AOAH: variants seen among roughly 807,000 people sequenced by gnomAD.
AOAH encodes acyloxyacyl hydrolase.
Under a neutral mutation model 92.2 loss-of-function variants are expected in AOAH, and 64 were observed. That is an observed-to-expected ratio of 0.69 (90% confidence interval 0.57 to 0.86). AOAH has a LOEUF of 0.86. Among genes scored for constraint, AOAH ranks in the 40% least tolerant of loss-of-function variants. AOAH has a pLI of 0.00. For synonymous variants in AOAH, 263 were observed against 254.5 expected (o/e 1.03, Z -0.32); for missense variants, 656 against 694.6 (o/e 0.94, Z 0.62).
In AOAH at chr7:36,659,963, G is replaced by A. The variant is rs561440491; in HGVS notation, c.291-698C>T. On this transcript the variant is annotated intron_variant, in intron 3 of 20. Coordinates refer to ENST00000617537, the MANE Select transcript of AOAH (RefSeq NM_001637.4). Reference sequence around the variant, plus strand: ...AGTAAAATTACAATATTTTACTATCGTGACTTGTCCCTGCCCTATCTTAGT... The same window carrying A: ...AGTAAAATTACAATATTTTACTATCATGACTTGTCCCTGCCCTATCTTAGT... Among the ~76,000 whole-genome samples the A allele has an allele frequency of 5.3e-5, 8 of 152,168 alleles. No homozygotes were observed. The South Asian group carries it at 1.2e-3, about 24-fold the overall frequency.
intron 19 of AOAH, among the ~76,000 whole-genome samples, chr7:36,528,041 C>T (rs975665142): frequency 1.3e-5 from 2 of 152,212 alleles, no homozygotes; most frequent in African/African-American, 2.4e-5. Flanking sequence ...GGCACCTAGA[C>T]ATCAAATGCA....
chr7:36,643,572 C>T (rs1006338038), intron 4 of AOAH, among the ~76,000 whole-genome samples: 6 of 152,258 alleles, frequency 3.9e-5, no homozygotes, highest in Middle Eastern at 3.4e-3. Context: ...AAGTATTCTT[C>T]CATTCAATCA....
rs541530124 is a variant in AOAH, at chr7:36,667,825, A to G, written c.290+6118T>C. Among the ~76,000 whole-genome samples, 7 of 152,286 alleles carry G rather than the reference A, an allele frequency of 4.6e-5. No homozygotes were observed. In the East Asian group the frequency reaches 1.3e-3, roughly 29 times the overall value. On this transcript the variant is annotated intron_variant, in intron 3 of 20. Coordinates refer to ENST00000617537, the MANE Select transcript of AOAH (RefSeq NM_001637.4). Reference sequence around the variant, plus strand: ...AACTCTTATCCCTTTATCCCTGATAACTTTCCTCACTTTGAAGTATGTTCT... The same window carrying G: ...AACTCTTATCCCTTTATCCCTGATAGCTTTCCTCACTTTGAAGTATGTTCT...
At chr7:36,679,063 A>G (rs978349333) in intron 2 of AOAH, among the ~76,000 whole-genome samples, 1 of 152,210 alleles carries the variant, frequency 6.6e-6, no homozygotes, top group Non-Finnish European at 1.5e-5. Flanking sequence ...AGGACAAAAT[A>G]AAGTTAAAAT....
At chr7:36,648,830 T>C (rs1794401234) in intron 4 of AOAH, among the ~76,000 whole-genome samples, 1 of 152,166 alleles carries the variant, frequency 6.6e-6, no homozygotes, top group Non-Finnish European at 1.5e-5. Flanking sequence ...TGGGATATAT[T>C]TTGCTCCATT....
intron 11 of AOAH, among the ~76,000 whole-genome samples, chr7:36,606,832 G>T (rs954936415): frequency 1.3e-5 from 2 of 152,180 alleles, no homozygotes; most frequent in African/African-American, 4.8e-5. Flanking sequence ...ATCTTTCTAA[G>T]TTGAGGTCTT....
In AOAH at chr7:36,648,959, A is replaced by C. The variant is rs537655781; in HGVS notation, c.390+10207T>G. Among the ~76,000 whole-genome samples the C allele has an allele frequency of 4.6e-5, 7 of 152,238 alleles. No individual in the cohort carries two copies. In the South Asian group the frequency reaches 1.4e-3, roughly 32 times the overall value. ...TCAATTATACAACGTTACAACCAAC[A>C]ATTTGAATTTTGATTTTTTCTCTGT... On this transcript the variant is annotated intron_variant, in intron 4 of 20. Transcript: ENST00000617537.
intron 1 of AOAH, among the ~76,000 whole-genome samples, chr7:36,693,012 AAGAAAT>A (rs1286375810): frequency 4.6e-5 from 7 of 152,302 alleles, no homozygotes; most frequent in Admixed American, 4.6e-4. Context: ...AATTGGAGGT[AAGAAAT>A]AGAAGAGTTG....
chr7:36,610,714 C>T (rs973005365), intron 11 of AOAH, among the ~76,000 whole-genome samples: 3 of 152,188 alleles, frequency 2.0e-5, no homozygotes, highest in Admixed American at 6.5e-5. Context: ...CCTTCTCCCA[C>T]TCTGGGCAGT....
intron 1 of AOAH, among the ~76,000 whole-genome samples, chr7:36,714,095 G>A (rs948649730): frequency 1.3e-5 from 2 of 151,638 alleles, no homozygotes; most frequent in South Asian, 2.1e-4. Context: ...CTAATAAAGA[G>A]GAAAAGAGAG....
chr7:36,553,016 T>C (rs1245532786), intron 13 of AOAH, among the ~76,000 whole-genome samples: 1 of 151,664 alleles, frequency 6.6e-6, no homozygotes, highest in African/African-American at 2.4e-5. Flanking sequence ...ATGTGCACAA[T>C]GTGCAGGTTA....
At position 36,530,526 on chromosome 7, in the gene AOAH, G is replaced by A. The variant is rs766743544; in HGVS notation, c.1426-12C>T. On this transcript the variant is annotated splice_polypyrimidine_tract_variant and intron_variant, in intron 18 of 20. Transcript: ENST00000617537. ...AGTTGCTCTGCTCTCTGAAGAGAGA[G>A]GAAACAGGGAGAATTTCATGAAATC... The A allele has an allele frequency of 1.3e-6, 2 of 1,568,750 alleles. No individual in the cohort carries two copies. The highest frequency in any genetic ancestry group is 8.8e-7 in the Non-Finnish European group (1 of 1,140,050).
At chr7:36,570,869 G>T (rs116054630) in intron 13 of AOAH, among the ~76,000 whole-genome samples, 19 of 152,184 alleles carry the variant, frequency 1.2e-4, no homozygotes, top group African/African-American at 4.6e-4. Context: ...AACTTATTTA[G>T]GTTAAAAAAA....
chr7:36,540,231 C>T (rs1785328877), intron 16 of AOAH, 88 bp downstream of exon 16: 4 of 1,252,964 alleles, frequency 3.2e-6, no homozygotes, highest in African/African-American at 3.1e-5. Context: ...GCATTTTAGG[C>T]ACATTTCTAT....
intron 3 of AOAH, among the ~76,000 whole-genome samples, chr7:36,672,876 T>C (rs890557310): frequency 5.3e-5 from 8 of 152,002 alleles, no homozygotes; most frequent in African/African-American, 1.9e-4. Context: ...AATTATAAAA[T>C]GTTTATAATA....
chr7:36,710,624 T>C (rs1435353608), intron 1 of AOAH, among the ~76,000 whole-genome samples: 1 of 152,226 alleles, frequency 6.6e-6, no homozygotes, highest in Non-Finnish European at 1.5e-5. Context: ...TTTAAGCTGA[T>C]AAGTGTGTGG....
At position 36,717,727 on chromosome 7, in the gene AOAH, A is replaced by ATT. The variant is rs10624883; in HGVS notation, c.127+6293_127+6294dup. 8.5e-3 allele frequency among the ~76,000 whole-genome samples: 1,043 copies of ATT among 122,732 alleles called. 42 individuals are homozygous for ATT. The highest frequency in any genetic ancestry group is 0.028 in the African/African-American group (917 of 32,934). 80.5% of individuals were successfully genotyped at this position (122,732 alleles called of 152,430 possible). A position where few individuals can be genotyped will look rare whatever the true frequency, so the allele number is the denominator to read the frequency against. On this transcript the variant is annotated intron_variant, in intron 1 of 20. Coordinates refer to ENST00000617537, the MANE Select transcript of AOAH (RefSeq NM_001637.4). ...GCAAATTTCCTCTTTTTCTCTTCTT[A>ATT]TTTTTTTTTTTTTTTGCTTAGCCTA... is the stretch of plus-strand genomic sequence containing the variant.
At chr7:36,658,968 G>T (rs1209815501) in intron 4 of AOAH, among the ~76,000 whole-genome samples, 198 bp downstream of exon 4, 2 of 152,216 alleles carry the variant, frequency 1.3e-5, no homozygotes, top group African/African-American at 4.8e-5. Context: ...GAACAGCAAA[G>T]ACATTCTTTC....
intron 15 of AOAH, among the ~76,000 whole-genome samples, chr7:36,547,084 G>A (rs1785856041): frequency 6.6e-6 from 1 of 152,224 alleles, no homozygotes; most frequent in African/African-American, 2.4e-5. Context: ...TTTCCCATCT[G>A]TAAAATGGGA....
Sources: allele counts gnomAD v4.1 joint callset (sites outside exome capture counted in the v4.1 genomes callset), GRCh38; gene constraint gnomAD v4.1.1; transcripts MANE v1.5; gene names NCBI Gene and HGNC (gene_info 2026-07-23, HGNC 2026-07-21).